UNC13C: variants seen among roughly 807,000 people sequenced by gnomAD.
UNC13C encodes the protein protein unc-13 homolog C.
Under a neutral mutation model 245.4 loss-of-function variants are expected in UNC13C, and 174 were observed. The observed-to-expected ratio is 0.71, with a 90% CI of 0.63 to 0.80. UNC13C has a LOEUF of 0.80. Among genes scored for constraint, UNC13C ranks in the 30% least tolerant of loss-of-function variants. The pLI, the probability that UNC13C is intolerant of heterozygous loss-of-function variation, is 0.00. For synonymous variants in UNC13C, 992 were observed against 895.1 expected (o/e 1.11, Z -1.93); for missense variants, 2,829 against 2,602.9 (o/e 1.09, Z -1.89).
rs567230240 is a variant in UNC13C at position 54,372,361 on chromosome 15, A to G, written c.4714-20687A>G. ...CTTAAGAGCCTAGATTATTGAAAAA[A>G]TATTTTATTGTGAAAAATGTCCTAC... On this transcript the variant is annotated intron_variant, in intron 17 of 32. Transcript: ENST00000260323. Among the ~76,000 whole-genome samples the G allele has an allele frequency of 6.6e-5, 10 of 152,194 alleles. No homozygotes were observed. The South Asian group carries it at 1.0e-3, about 16-fold the overall frequency.
chr15:54,428,940 C>G (rs1483969509), intron 19 of UNC13C, among the ~76,000 whole-genome samples: 7 of 151,714 alleles, frequency 4.6e-5, no homozygotes, highest in African/African-American at 1.7e-4. Context: ...ATGCTTCTCT[C>G]TCTTCCCCCC....
intron 14 of UNC13C, among the ~76,000 whole-genome samples, chr15:54,329,806 G>GC (rs1490887673): frequency 6.6e-6 from 1 of 152,026 alleles, no homozygotes; most frequent in Non-Finnish European, 1.5e-5. Flanking sequence ...AAATTTTCCA[G>GC]CTAGGCACTG....
intron 4 of UNC13C, among the ~76,000 whole-genome samples, chr15:54,186,572 T>C (rs925373772): frequency 2.6e-5 from 4 of 151,836 alleles, no homozygotes; most frequent in Non-Finnish European, 4.4e-5. Flanking sequence ...TAATTTTTCC[T>C]CCAAGTGAAG....
intron 17 of UNC13C, among the ~76,000 whole-genome samples, chr15:54,344,790 T>G (rs2038821869): frequency 6.6e-6 from 1 of 152,258 alleles, no homozygotes; most frequent in Admixed American, 6.5e-5. Flanking sequence ...AATACCTTCA[T>G]TTCAAAATAT....
chr15:54,044,217 T>C (rs1896933805), intron 2 of UNC13C, among the ~76,000 whole-genome samples: 1 of 152,208 alleles, frequency 6.6e-6, no homozygotes, highest in Non-Finnish European at 1.5e-5. Context: ...ATTATAATGT[T>C]TTCAAGGTTT....
chr15:54,242,966 C>G (rs2035894802), intron 7 of UNC13C, among the ~76,000 whole-genome samples: 3 of 152,040 alleles, frequency 2.0e-5, no homozygotes, highest in African/African-American at 7.2e-5. Flanking sequence ...CCGAAACATT[C>G]TTCTCTTTTT....
At chr15:54,015,995 G>C in intron 2 of UNC13C, 109 bp downstream of exon 2, 1 of 953,660 alleles carries the variant, frequency 1.0e-6, no homozygotes, top group South Asian at 1.9e-5. Context: ...TACTTGCAAT[G>C]ACTTTCCATG....
intron 4 of UNC13C, among the ~76,000 whole-genome samples, chr15:54,215,059 A>G (rs1045594552): frequency 7.2e-5 from 11 of 151,988 alleles, no homozygotes; most frequent in Admixed American, 7.2e-4. Context: ...TACACAGAAC[A>G]TTATGGAGGG....
At chr15:54,008,997 T>G (rs1895262018) in intron 1 of UNC13C, among the ~76,000 whole-genome samples, 1 of 152,194 alleles carries the variant, frequency 6.6e-6, no homozygotes, top group Admixed American at 6.5e-5. Flanking sequence ...AGGTGATCAT[T>G]AAATGTCATC....
In UNC13C at chr15:54,455,205, C is replaced by CTCTCTA. The variant is rs1388065398; in HGVS notation, c.4934-39402_4934-39401insCTCTAT. On this transcript the variant is annotated intron_variant, in intron 19 of 32. Coordinates refer to ENST00000260323, the MANE Select transcript of UNC13C (RefSeq NM_001080534.3). Reference sequence around the variant, plus strand: ...TCTCTCTCTCTCTCTCTCTCTCTCTCTATATATATATATATATATATATAT... The same window carrying CTCTCTA: ...TCTCTCTCTCTCTCTCTCTCTCTCTCTCTCTATATATATATATATATATATATATAT... Among the ~76,000 whole-genome samples, 66 of 18,954 alleles carry CTCTCTA rather than the reference C, an allele frequency of 3.5e-3. 1 individual carries two copies. The highest frequency in any genetic ancestry group is 5.7e-3 in the African/African-American group (30 of 5,248). The allele number at this position is 18,954 out of a possible 152,430, so 12.4% of individuals were successfully genotyped here. A position where few individuals can be genotyped will look rare whatever the true frequency, so the allele number is the denominator to read the frequency against.
intron 2 of UNC13C, among the ~76,000 whole-genome samples, chr15:54,052,534 C>T (rs1344649839): frequency 6.6e-6 from 1 of 152,306 alleles, no homozygotes; most frequent in Admixed American, 6.5e-5. Context: ...CACTTGCTGA[C>T]TTTGAAAATT....
At chr15:54,436,267 T>C (rs1321137526) in intron 19 of UNC13C, among the ~76,000 whole-genome samples, 1 of 151,846 alleles carries the variant, frequency 6.6e-6, no homozygotes, top group Non-Finnish European at 1.5e-5. Context: ...TGGACAAGTA[T>C]TTCCTCTAGA....
the UNC13C span, among the ~76,000 whole-genome samples, chr15:53,899,882 A>G: frequency 1.3e-5 from 2 of 152,104 alleles, no homozygotes; most frequent in East Asian, 3.9e-4. Flanking sequence ...TATCTTGGCT[A>G]TTGTCCTTCC....
In UNC13C at chr15:54,468,907, T is replaced by G. The variant is rs112365501; in HGVS notation, c.4934-25701T>G. ...GCTTCTCCTTTGGCTCAAGATTACT[T>G]TGGCTATTTCAAGACTTTTGTGATT... is the stretch of plus-strand genomic sequence containing the variant. On this transcript the variant is annotated intron_variant, in intron 19 of 32. Transcript: ENST00000260323. 3.4e-3 allele frequency among the ~76,000 whole-genome samples: 511 copies of G among 151,738 alleles called. 2 individuals are homozygous for G. The highest frequency in any genetic ancestry group is 0.012 in the African/African-American group (493 of 41,514).
chr15:54,122,220 A>T (rs977095427), intron 2 of UNC13C, among the ~76,000 whole-genome samples: 3 of 151,806 alleles, frequency 2.0e-5, no homozygotes, highest in African/African-American at 7.3e-5. Flanking sequence ...TTCTGATCTT[A>T]CACTTAATAA....
At chr15:54,324,082 A>G (rs1389094450) in intron 14 of UNC13C, among the ~76,000 whole-genome samples, 1 of 152,080 alleles carries the variant, frequency 6.6e-6, no homozygotes, top group Admixed American at 6.6e-5. Flanking sequence ...ATTATAGAAT[A>G]GGGCCAAAAG....
chr15:54,448,286 A>C (rs1012962988), intron 19 of UNC13C, among the ~76,000 whole-genome samples: 5 of 152,194 alleles, frequency 3.3e-5, no homozygotes, highest in Non-Finnish European at 7.3e-5. Flanking sequence ...GATGTCTAGT[A>C]GGTCCGCTTG....
chr15:54,117,795 G>A (rs1471638976), intron 2 of UNC13C, among the ~76,000 whole-genome samples: 1 of 152,068 alleles, frequency 6.6e-6, no homozygotes. Flanking sequence ...TGCCCAGGCT[G>A]GTCTCAAACT....
chr15:53,885,899 T>TA, the UNC13C span, among the ~76,000 whole-genome samples: 1 of 152,196 alleles, frequency 6.6e-6, no homozygotes, highest in African/African-American at 2.4e-5. Context: ...AATAAGGTTG[T>TA]TTCTCGTTGG....
Sources: allele counts gnomAD v4.1 joint callset (sites outside exome capture counted in the v4.1 genomes callset), GRCh38; gene constraint gnomAD v4.1.1; transcripts MANE v1.5; gene names NCBI Gene and HGNC (gene_info 2026-07-23, HGNC 2026-07-21).